Variants in ARFGAP2 observed in about 807,000 individuals in gnomAD.
ARFGAP2 encodes the protein ADP-ribosylation factor GTPase-activating protein 2.
In ARFGAP2, 45 loss-of-function variants were observed where a neutral mutation model predicts 71.9. The observed-to-expected ratio is 0.63, with a 90% CI of 0.49 to 0.80. ARFGAP2 has a LOEUF of 0.80. Ranked by LOEUF, ARFGAP2 falls within the 30% of genes least tolerant of loss-of-function variation. The pLI is 0.00. For missense variants in ARFGAP2, 633 were observed against 673.9 expected, an observed-to-expected ratio of 0.94 and a Z score of 0.67; for synonymous variants, 248 against 249.2, an observed-to-expected ratio of 1.00 and a Z score of 0.05.
intron 10 of ARFGAP2, among the ~76,000 whole-genome samples, chr11:47,170,323 C>CAAAA (rs34843394): frequency 1.2e-3 from 88 of 73,718 alleles, no homozygotes; most frequent in East Asian, 2.2e-3. Context: ...GACTCCATCT[C>CAAAA]AAAAAAAAAA....
In ARFGAP2 at chr11:47,165,402, CA is replaced by C. The variant is rs947405378; in HGVS notation, c.*79del. 8.6e-6 allele frequency: 13 copies of C among 1,514,368 alleles called. No individual in the cohort carries two copies. In the Admixed American group the frequency reaches 2.4e-4, roughly 28 times the overall value. The allele number at this position is 1,514,368 out of a possible 1,614,324, so 93.8% of individuals were successfully genotyped here. A position where few individuals can be genotyped will look rare whatever the true frequency, so the allele number is the denominator to read the frequency against. ...AGTAACAAATCCTCCCCAGCTTCCA[CA>C]AGGCAAAGCATCCCCAGCCTGGGAA... On this transcript the variant is annotated 3_prime_UTR_variant, in exon 16 of 16. Transcript: ENST00000524782.
chr11:47,168,753 G>GT (rs1952486713), intron 10 of ARFGAP2, among the ~76,000 whole-genome samples: 1 of 152,004 alleles, frequency 6.6e-6, no homozygotes, highest in Admixed American at 6.6e-5. Flanking sequence ...AAACTCCTGA[G>GT]TACAGACAAT....
chr11:47,173,412 G>A lies in ARFGAP2; in HGVS notation c.619+14C>T, dbSNP rs541692743. 1.5e-5 allele frequency: 23 copies of A among 1,552,932 alleles called. No individual in the cohort carries two copies. The highest frequency in any genetic ancestry group is 1.4e-4 in the South Asian group (12 of 84,124). ...TCTCCCAGACACCCCACGCCTGCCCGCTGGCATACTGACCCAGTGAGGCTT... is the reference window on the plus strand; with the variant it reads ...TCTCCCAGACACCCCACGCCTGCCCACTGGCATACTGACCCAGTGAGGCTT... On this transcript the variant is annotated intron_variant, in intron 7 of 15. Transcript: ENST00000524782.
chr11:47,173,756 C>CACGT lies in ARFGAP2; in HGVS notation c.561_562+2dup. On this transcript the variant is annotated splice_region_variant and intron_variant, in intron 6 of 15. Transcript: ENST00000524782. ...ACCTGGTTGGAATCTGGGCTGAACTCACGTGCCAGGCCACTGCTCTCTGTA... is the reference window on the plus strand; with the variant it reads ...ACCTGGTTGGAATCTGGGCTGAACTCACGTACGTGCCAGGCCACTGCTCTCTGTA... 1 of 1,597,450 alleles carries CACGT rather than the reference C, an allele frequency of 6.3e-7. No individual in the cohort carries two copies. The highest frequency in any genetic ancestry group is 8.5e-7 in the Non-Finnish European group (1 of 1,171,742).
Position 47,173,476 on chromosome 11 carries a change from T to G in ARFGAP2, c.569A>C (p.Glu190Ala), listed in dbSNP as rs1362161162. The change falls in exon 7 of 16, where the codon GAG becomes GCG. Residue 190 changes from glutamate (E) to alanine (A), a missense_variant. Physicochemically the swap from Glu to Ala is moderately radical, Grantham distance 107. Transcript: ENST00000524782. Reference sequence around the variant, plus strand: ...AAGCAGGTCTGTGTTGGGGCCATGCTCCGGCTCTGTGGATGCAATGGTAGG... The same window carrying G: ...AAGCAGGTCTGTGTTGGGGCCATGCGCCGGCTCTGTGGATGCAATGGTAGG... The part of the protein sequence containing the change: ...STESSGLAQP[E>A]HGPNTDLLGT... 6.4e-7 allele frequency: 1 copy of G among 1,557,268 alleles called. No individual in the cohort carries two copies. Among genetic ancestry groups the G allele is most frequent in the Non-Finnish European group, 8.7e-7 (1 of 1,150,504 alleles).
At position 47,164,406 on chromosome 11, in the gene ARFGAP2, G is replaced by A. The variant is rs1301104447; in HGVS notation, c.*1076C>T. The A allele has an allele frequency of 6.9e-6, 6 of 875,280 alleles. No homozygotes were observed. The highest frequency in any genetic ancestry group is 2.0e-5 in the South Asian group (1 of 50,862). The allele number at this position is 875,280 out of a possible 1,614,324, so 54.2% of individuals were successfully genotyped here. A position where few individuals can be genotyped will look rare whatever the true frequency, so the allele number is the denominator to read the frequency against. ...AGAAAGTCAAGTCCCTCTGGGGGAG[G>A]GGCAAGGGGAAGAGTGGTCTGTGTT... On this transcript the variant is annotated 3_prime_UTR_variant, in exon 16 of 16. Transcript: ENST00000524782.
At chr11:47,172,710 C>T in intron 7 of ARFGAP2, 1 of 1,302,548 alleles carries the variant, frequency 7.7e-7, no homozygotes. Flanking sequence ...TGTCAGTTAC[C>T]TCTGGCAGGA....
At chr11:47,176,494 G>A (rs771130120) in intron 2 of ARFGAP2, 22 bp downstream of exon 2, 8 of 1,609,368 alleles carry the variant, frequency 5.0e-6, no homozygotes, top group Non-Finnish European at 6.8e-6. Context: ...GTGGAAACAC[G>A]GCAACCGCGC....
intron 8 of ARFGAP2, 115 bp from the exon 9 acceptor site, chr11:47,171,915 A>T (rs976538140): frequency 4.2e-6 from 6 of 1,442,242 alleles, no homozygotes; most frequent in South Asian, 2.7e-5. Context: ...AATTTAGGGT[A>T]AAAAACAGGA....
At chr11:47,170,374 C>T (rs1296997157) in intron 10 of ARFGAP2, among the ~76,000 whole-genome samples, 2 of 149,930 alleles carry the variant, frequency 1.3e-5, no homozygotes, top group Non-Finnish European at 1.5e-5. Context: ...AGCCGGGCAC[C>T]GTGGCTCATG....
intron 10 of ARFGAP2, among the ~76,000 whole-genome samples, chr11:47,168,867 G>C (rs1026515257): frequency 6.6e-6 from 1 of 152,056 alleles, no homozygotes; most frequent in Non-Finnish European, 1.5e-5. Context: ...AGTGGTCTCT[G>C]TCCTGAACAA....
In ARFGAP2 at chr11:47,165,092, C is replaced by T. The variant is rs1307767748; in HGVS notation, c.*390G>A. ...ACCCAAGGCCTCGAACTAGAAGAAC[C>T]CTAGAGCCAGCAAAAAAAGCCTTCT... On this transcript the variant is annotated 3_prime_UTR_variant, in exon 16 of 16. Coordinates refer to ENST00000524782, the MANE Select transcript of ARFGAP2 (RefSeq NM_032389.6). The T allele has an allele frequency of 3.8e-5, 8 of 208,462 alleles. No homozygotes were observed. Among genetic ancestry groups the T allele is most frequent in the Non-Finnish European group, 3.8e-5 (4 of 105,136 alleles). The allele number at this position is 208,462 out of a possible 1,614,324, so 12.9% of individuals were successfully genotyped here.
intron 5 of ARFGAP2, chr11:47,174,724 C>A: frequency 2.9e-6 from 1 of 345,998 alleles, no homozygotes. Context: ...GGGAAGAATC[C>A]AGGAAAATTT....
At position 47,171,519 on chromosome 11, in the gene ARFGAP2, A is replaced by G. The variant is rs1165617933; in HGVS notation, c.848T>C (p.Ile283Thr). The part of the protein sequence containing the change: ...SMRLAYQELQ[I>T]DRKKEEKKLQ... ...CTTCTTTTCCTCTTTCTTACGATCA[A>G]TCTGGAGCTCCTGGTAGGCCAGACG... Residue 283 changes from isoleucine (I) to threonine (T), a missense_variant, in exon 10 of 16, where the codon ATT becomes ACT. Physicochemically the swap from Ile to Thr is moderately conservative, Grantham distance 89 (BLOSUM62 -1). Coordinates refer to ENST00000524782, the MANE Select transcript of ARFGAP2 (RefSeq NM_032389.6). 8.1e-6 allele frequency: 13 copies of G among 1,613,956 alleles called. No homozygotes were observed. In the South Asian group the frequency reaches 1.2e-4, roughly 15 times the overall value.
intron 12 of ARFGAP2, 97 bp from the exon 13 acceptor site, chr11:47,166,983 T>C (rs1211610200): frequency 9.0e-6 from 13 of 1,450,116 alleles, no homozygotes; most frequent in Non-Finnish European, 1.2e-5. Flanking sequence ...CTTTTGGTGA[T>C]GGGTTACCAG....
In ARFGAP2 at chr11:47,165,258, T is replaced by C. The variant is rs1297339967; in HGVS notation, c.*224A>G. ...GGACAAGAGTCTAACACACGGAGGG[T>C]GGTGTGAGAGGGAATAAAGGGCTCA... On this transcript the variant is annotated 3_prime_UTR_variant, in exon 16 of 16. Coordinates refer to ENST00000524782, the MANE Select transcript of ARFGAP2 (RefSeq NM_032389.6). 9.4e-6 allele frequency: 4 copies of C among 424,782 alleles called. No individual in the cohort carries two copies. The highest frequency in any genetic ancestry group is 1.6e-5 in the Non-Finnish European group (4 of 243,870). 26.3% of individuals were successfully genotyped at this position (424,782 alleles called of 1,614,324 possible).
At chr11:47,167,039 G>C (rs1391464205) in intron 12 of ARFGAP2, among the ~76,000 whole-genome samples, 153 bp from the exon 13 acceptor site, 1 of 152,194 alleles carries the variant, frequency 6.6e-6, no homozygotes, top group Non-Finnish European at 1.5e-5. Flanking sequence ...CCTCTCCCCT[G>C]GTGAGGAGTC....
rs1045017785 is a variant in ARFGAP2 at position 47,165,374 on chromosome 11, C to T, written c.*108G>A. 9.1e-6 allele frequency: 13 copies of T among 1,427,514 alleles called. No individual in the cohort carries two copies. The highest frequency in any genetic ancestry group is 2.4e-5 in the East Asian group (1 of 41,492). The allele number at this position is 1,427,514 out of a possible 1,614,324, so 88.4% of individuals were successfully genotyped here. On this transcript the variant is annotated 3_prime_UTR_variant, in exon 16 of 16. Transcript: ENST00000524782. ...CCACCCCACACACACACCACACATACGAAGTAACAAATCCTCCCCAGCTTC... is the reference window on the plus strand; with the variant it reads ...CCACCCCACACACACACCACACATATGAAGTAACAAATCCTCCCCAGCTTC...
chr11:47,168,092 A>T, intron 11 of ARFGAP2, 31 bp downstream of exon 11: 1 of 1,614,204 alleles, frequency 6.2e-7, no homozygotes, highest in Non-Finnish European at 8.5e-7. Context: ...GGAACACAGC[A>T]GCCAAGTTTA....
Sources: gnomAD v4.1 joint callset for allele counts (sites outside exome capture counted in the v4.1 genomes callset) on GRCh38, gnomAD v4.1.1 for gene constraint, MANE v1.5 for transcripts, NCBI Gene and HGNC (gene_info 2026-07-23, HGNC 2026-07-21) for gene names.